Variants in RABGAP1L observed in about 807,000 individuals in gnomAD.
RABGAP1L encodes the protein rab GTPase-activating protein 1-like.
RABGAP1L carries 63 observed loss-of-function variants against 137.7 expected under a neutral mutation model. The ratio of observed to expected loss-of-function variants is 0.46; its 90% CI spans 0.37 to 0.56. RABGAP1L has a LOEUF of 0.56. Ranked by LOEUF, RABGAP1L falls within the 20% of genes least tolerant of loss-of-function variation. The pLI, the probability that RABGAP1L is intolerant of heterozygous loss-of-function variation, is 0.00. For missense variants in RABGAP1L, 1,095 were observed against 1,244.0 expected (o/e 0.88, Z 1.80); for synonymous variants, 431 against 433.7 (o/e 0.99, Z 0.08).
At chr1:174,555,786 G>A (rs1666839431) in intron 13 of RABGAP1L, among the ~76,000 whole-genome samples, 1 of 152,066 alleles carries the variant, frequency 6.6e-6, no homozygotes, top group African/African-American at 2.4e-5. Flanking sequence ...TTATGGTAGA[G>A]AACCGAGAGT....
intron 13 of RABGAP1L, among the ~76,000 whole-genome samples, chr1:174,452,932 A>T (rs1466914298): frequency 1.3e-5 from 2 of 152,264 alleles, no homozygotes; most frequent in East Asian, 3.9e-4. Context: ...CACTAATCCC[A>T]ATTCAAACAG....
chr1:174,674,697 C>G (rs1283846480), intron 14 of RABGAP1L, among the ~76,000 whole-genome samples: 1 of 151,156 alleles, frequency 6.6e-6, no homozygotes, highest in Non-Finnish European at 1.5e-5. Flanking sequence ...AGTTTACAGT[C>G]CCACCAACAG....
At chr1:174,644,768 T>A (rs1251226667) in intron 14 of RABGAP1L, among the ~76,000 whole-genome samples, 1 of 152,150 alleles carries the variant, frequency 6.6e-6, no homozygotes, top group Non-Finnish European at 1.5e-5. Flanking sequence ...TGTTATGCAG[T>A]TGACAATATT....
intron 1 of RABGAP1L, among the ~76,000 whole-genome samples, chr1:174,194,322 C>T (rs914253866): frequency 6.6e-6 from 1 of 151,312 alleles, no homozygotes; most frequent in African/African-American, 2.4e-5. Context: ...GAAACCTCTG[C>T]CTCCTGGGTT....
chr1:174,233,700 A>G (rs932085093), intron 4 of RABGAP1L, among the ~76,000 whole-genome samples: 1 of 130,710 alleles, frequency 7.7e-6, no homozygotes, highest in Non-Finnish European at 1.5e-5. Context: ...AGTCTTTGCT[A>G]TTGTGAATAA....
At chr1:174,876,767 T>C (rs943025866) in intron 19 of RABGAP1L, among the ~76,000 whole-genome samples, 1 of 152,174 alleles carries the variant, frequency 6.6e-6, no homozygotes, top group African/African-American at 2.4e-5. Flanking sequence ...CACAAAACTA[T>C]GCTTAAAATA....
chr1:174,176,358 G>A (rs924132021), intron 1 of RABGAP1L, among the ~76,000 whole-genome samples: 1 of 152,014 alleles, frequency 6.6e-6, no homozygotes, highest in African/African-American at 2.4e-5. Context: ...CATTTGTAAG[G>A]CATTGGTTCA....
intron 13 of RABGAP1L, among the ~76,000 whole-genome samples, chr1:174,447,732 T>A (rs992972850): frequency 6.6e-6 from 1 of 152,168 alleles, no homozygotes; most frequent in African/African-American, 2.4e-5. Context: ...TTTTTCTTTT[T>A]ACAGATTTAA....
chr1:174,985,773 T>C lies in RABGAP1L; in HGVS notation c.2805+2868T>C, dbSNP rs564649691. On this transcript the variant is annotated intron_variant, in intron 24 of 25. Transcript: ENST00000681986. The stretch of plus-strand genomic sequence containing the variant: ...CACATATAGGGAACCCAAAATAGCA[T>C]TGGCTTAAACATAAAAGGTGTTGAT... Among the ~76,000 whole-genome samples, 17 of 152,318 alleles carry C rather than the reference T, an allele frequency of 1.1e-4. No homozygotes were observed. The East Asian group carries it at 3.1e-3, about 28-fold the overall frequency.
chr1:174,629,569 C>T (rs978027486), intron 13 of RABGAP1L, among the ~76,000 whole-genome samples: 1 of 152,148 alleles, frequency 6.6e-6, no homozygotes, highest in Non-Finnish European at 1.5e-5. Context: ...GAGTCTCGCT[C>T]TGTCGCCCAG....
intron 11 of RABGAP1L, among the ~76,000 whole-genome samples, chr1:174,318,186 CA>C (rs1431585944): frequency 6.6e-6 from 1 of 151,898 alleles, no homozygotes; most frequent in African/African-American, 2.4e-5. Flanking sequence ...TGTTCTTGCA[CA>C]GGGGACAATT....
intron 19 of RABGAP1L, among the ~76,000 whole-genome samples, chr1:174,857,661 A>T (rs1649546213): frequency 1.3e-5 from 2 of 152,172 alleles, no homozygotes; most frequent in African/African-American, 4.8e-5. Flanking sequence ...TGATTGATGA[A>T]TTTCAATAAT....
At chr1:174,495,798 C>T (rs921878301) in intron 13 of RABGAP1L, among the ~76,000 whole-genome samples, 2 of 152,262 alleles carry the variant, frequency 1.3e-5, no homozygotes, top group East Asian at 1.9e-4. Context: ...AATGATGCTG[C>T]GGTGAAAATC....
At chr1:174,305,913 C>A (rs1470826498) in intron 11 of RABGAP1L, among the ~76,000 whole-genome samples, 1 of 152,094 alleles carries the variant, frequency 6.6e-6, no homozygotes. Context: ...TATCCCTCCC[C>A]CCTCCTCCCA....
Position 174,301,063 on chromosome 1 carries a change from T to C in RABGAP1L, c.1324-3923T>C, listed in dbSNP as rs79671093. 4.9e-4 allele frequency among the ~76,000 whole-genome samples: 75 copies of C among 152,208 alleles called. 1 individual carries two copies. In the East Asian group the frequency reaches 0.014, roughly 28 times the overall value. The stretch of plus-strand genomic sequence containing the variant: ...TTGGCCTGCCAGTTCATGCCCGGTC[T>C]GCAGTTTGTCATGGATCCCACGGCC... On this transcript the variant is annotated intron_variant, in intron 10 of 25. Transcript: ENST00000681986.
intron 19 of RABGAP1L, among the ~76,000 whole-genome samples, chr1:174,834,258 C>T (rs1177600413): frequency 6.6e-6 from 1 of 151,986 alleles, no homozygotes; most frequent in Non-Finnish European, 1.5e-5. Flanking sequence ...GAAACCCTCT[C>T]TCTACTAAAA....
At chr1:174,221,889 T>G (rs1419045743) in intron 3 of RABGAP1L, among the ~76,000 whole-genome samples, 1 of 152,216 alleles carries the variant, frequency 6.6e-6, no homozygotes, top group African/African-American at 2.4e-5. Context: ...TTACTGATTT[T>G]TAAAATTTCT....
intron 12 of RABGAP1L, among the ~76,000 whole-genome samples, chr1:174,387,927 T>C (rs1686932823): frequency 6.6e-6 from 1 of 152,080 alleles, no homozygotes; most frequent in Admixed American, 6.6e-5. Context: ...TGTCATGATA[T>C]GAAAAGGGTA....
intron 25 of RABGAP1L, 107 bp downstream of exon 25, chr1:174,988,945 A>ACATTTTCTGTCTGCTAATGTGT (rs1371771853): frequency 9.9e-7 from 1 of 1,013,758 alleles, no homozygotes; most frequent in African/African-American, 1.7e-5. Flanking sequence ...TATGATGAAT[A>ACATTTTCTGTCTGCTAATGTGT]CATTTTCTGT....
Sources: gnomAD v4.1 joint callset for allele counts (sites outside exome capture counted in the v4.1 genomes callset) on GRCh38, gnomAD v4.1.1 for gene constraint, MANE v1.5 for transcripts, NCBI Gene and HGNC (gene_info 2026-07-23, HGNC 2026-07-21) for gene names.